Variants in PDZD7 observed in about 807,000 individuals in gnomAD.
The protein encoded by PDZD7 is PDZ domain-containing protein 7.
PDZD7 carries 72 observed loss-of-function variants against 84.7 expected under a neutral mutation model. The observed-to-expected ratio is 0.85, with a 90% CI of 0.70 to 1.03. The LOEUF (loss-of-function observed/expected upper bound fraction) is 1.03, where lower values mean the gene tolerates loss of function less well. PDZD7 is among the 50% of genes least tolerant of loss of function. PDZD7 has a pLI of 0.00. For synonymous variants in PDZD7, 594 were observed against 580.7 expected, an observed-to-expected ratio of 1.02 and a Z score of -0.33; for missense variants, 1,490 against 1,412.9, an observed-to-expected ratio of 1.05 and a Z score of -0.87.
At chr10:101,028,830 C>T (rs975258407) in intron 2 of PDZD7, among the ~76,000 whole-genome samples, 3 of 152,218 alleles carry the variant, frequency 2.0e-5, no homozygotes, top group African/African-American at 4.8e-5. Flanking sequence ...TGGTGACCCT[C>T]AGCAGTGCCC....
rs146534581 is a variant in PDZD7, at chr10:101,030,143, G to A, written c.77C>T (p.Ser26Phe). 4.3e-6 allele frequency: 7 copies of A among 1,614,038 alleles called. No individual in the cohort carries two copies. In the African/African-American group the frequency reaches 9.3e-5, roughly 22 times the overall value. Residue 26 changes from serine to phenylalanine, a missense_variant, in exon 2 of 17, where the codon TCC (serine) becomes TTC (phenylalanine). Physicochemically the swap from Ser to Phe is radical, Grantham distance 155 (BLOSUM62 -2). Coordinates refer to ENST00000619208, the MANE Select transcript of PDZD7 (RefSeq NM_001195263.2). ...GTCGCTGCCTAGGTGGCCTCGGGAG[G>A]AGAGGGAGCTCAGAGAGCCGGAGCT... ...DLSSGSLSSL[S>F]SRGHLGSDSG...
At chr10:101,020,151 C>T (rs980599068) in intron 7 of PDZD7, among the ~76,000 whole-genome samples, 2 of 151,944 alleles carry the variant, frequency 1.3e-5, no homozygotes, top group African/African-American at 4.8e-5. Flanking sequence ...ACTCTTATTG[C>T]CCAGGCTGGA....
At chr10:101,028,602 TAAA>T (rs71975380) in intron 2 of PDZD7, among the ~76,000 whole-genome samples, 8 of 134,792 alleles carry the variant, frequency 5.9e-5, no homozygotes, top group Admixed American at 2.2e-4. Flanking sequence ...CTTTCCCTCT[TAAA>T]AAAAAAAAAA....
chr10:101,015,600 C>A (rs1333854105), intron 11 of PDZD7, 36 bp downstream of exon 11: 3 of 1,535,970 alleles, frequency 2.0e-6, no homozygotes, highest in Admixed American at 4.0e-5. Context: ...GACTGAAGGA[C>A]CGTGTGCCAG....
Position 101,010,711 on chromosome 10 carries a change from G to T in PDZD7, c.2178C>A (p.Thr726=). The T allele has an allele frequency of 7.5e-7, 1 of 1,328,690 alleles. No homozygotes were observed. 82.3% of individuals were successfully genotyped at this position (1,328,690 alleles called of 1,614,324 possible). Residue 726 remains threonine, a synonymous_variant, in exon 15 of 17, where the codon ACC becomes ACA. Coordinates refer to ENST00000619208, the MANE Select transcript of PDZD7 (RefSeq NM_001195263.2). ...PLQDVPVDAF[T]PLRIACTPPP... ...GGGGTGTGCAGGCAATTCGGAGGGGGGTGAAGGCATCTACTGGCACGTCTT... is the reference window on the plus strand; with the variant it reads ...GGGGTGTGCAGGCAATTCGGAGGGGTGTGAAGGCATCTACTGGCACGTCTT...
At position 101,016,418 on chromosome 10, in the gene PDZD7, A is replaced by C; in HGVS notation, c.1532T>G (p.Val511Gly). The C allele has an allele frequency of 6.4e-7, 1 of 1,550,628 alleles. No individual in the cohort carries two copies. The highest frequency in any genetic ancestry group is 1.4e-5 in the African/African-American group (1 of 73,178). Residue 511 changes from valine to glycine, a missense_variant, in exon 10 of 17, where the codon GTG (valine) becomes GGG (glycine). Physicochemically the swap from Val to Gly is moderately radical, Grantham distance 109. Coordinates refer to ENST00000619208, the MANE Select transcript of PDZD7 (RefSeq NM_001195263.2). ...PRLDIEKAGGVGPVQKFVTWR... is the reference protein window; with the variant it reads ...PRLDIEKAGGGGPVQKFVTWR... ...GGTGACAAACTTCTGTACCGGGCCCACGCCCCCTGCTATGAAGAAGAAAGA... is the reference window on the plus strand; with the variant it reads ...GGTGACAAACTTCTGTACCGGGCCCCCGCCCCCTGCTATGAAGAAGAAAGA...
intron 7 of PDZD7, among the ~76,000 whole-genome samples, chr10:101,020,285 T>C (rs143803233): frequency 0.018 from 2,686 of 152,050 alleles, 34 homozygotes; most frequent in Non-Finnish European, 0.03. Flanking sequence ...TTTGTATTTT[T>C]AGTAAAGACT....
intron 16 of PDZD7, 139 bp from the exon 17 acceptor site, chr10:101,008,989 C>A: frequency 8.6e-7 from 1 of 1,156,842 alleles, no homozygotes; most frequent in Non-Finnish European, 1.2e-6. Flanking sequence ...GACAATGAGA[C>A]TTTTGTGCCT....
Position 101,022,193 on chromosome 10 carries a change from C to A in PDZD7, c.719+16G>T, listed in dbSNP as rs747771504. 1.2e-6 allele frequency: 2 copies of A among 1,614,130 alleles called. No homozygotes were observed. ...TCTCAGTTCTACCCGAAGACACTTC[C>A]TGCCTCAGCCCTCACTTGGACACAT... On this transcript the variant is annotated intron_variant, in intron 5 of 16. Transcript: ENST00000619208.
intron 2 of PDZD7, among the ~76,000 whole-genome samples, chr10:101,026,375 TCCA>T (rs1332338015): frequency 6.6e-6 from 1 of 150,880 alleles, no homozygotes; most frequent in African/African-American, 2.4e-5. Context: ...CCTCAAGTGA[TCCA>T]CCTGCCTCGG....
intron 11 of PDZD7, among the ~76,000 whole-genome samples, chr10:101,014,671 G>GACACACACACACACAC (rs3051191): frequency 3.4e-5 from 5 of 149,150 alleles, no homozygotes; most frequent in Non-Finnish European, 5.9e-5. Context: ...ACAATGCATG[G>GACACACACACACACAC]ACACACACAC....
In PDZD7 at chr10:101,015,792, G is replaced by C; in HGVS notation, c.1593C>G (p.Ala531=). ...GACTCCCAGACCTGGCAGACAGCAGGGCCCGGCCCCTCTCCTGGTCTGCAG... is the reference window on the plus strand; with the variant it reads ...GACTCCCAGACCTGGCAGACAGCAGCGCCCGGCCCCTCTCCTGGTCTGCAG... ...RLRRDQERGR[A]LLSARSGSPS... Residue 531 remains alanine (A), a synonymous_variant, in exon 11 of 17, where the codon GCC becomes GCG. Coordinates refer to ENST00000619208, the MANE Select transcript of PDZD7 (RefSeq NM_001195263.2). The C allele has an allele frequency of 1.3e-6, 2 of 1,548,986 alleles. No individual in the cohort carries two copies. Among genetic ancestry groups the C allele is most frequent in the Non-Finnish European group, 1.7e-6 (2 of 1,146,610 alleles).
At chr10:101,013,281 C>T (rs189042917) in intron 11 of PDZD7, among the ~76,000 whole-genome samples, 15 of 152,288 alleles carry the variant, frequency 9.8e-5, no homozygotes, top group African/African-American at 2.9e-4. Context: ...GACTTGGATT[C>T]GGTACCTACT....
chr10:101,019,862 G>A (rs1481023613), intron 7 of PDZD7, among the ~76,000 whole-genome samples: 2 of 150,782 alleles, frequency 1.3e-5, no homozygotes, highest in African/African-American at 4.9e-5. Flanking sequence ...CTGACCTCAG[G>A]TGATCCACCC....
At position 101,030,377 on chromosome 10, in the gene PDZD7, C is replaced by A. The variant is rs1938055716; in HGVS notation, c.-158G>T. ...TTGCGATGCCTCTCAGAAGTGTGAG[C>A]TCCAGGCCTGGGCAGGGAGAGCAGG... On this transcript the variant is annotated 5_prime_UTR_variant, in exon 2 of 17. Coordinates refer to ENST00000619208, the MANE Select transcript of PDZD7 (RefSeq NM_001195263.2). 1.4e-6 allele frequency: 1 copy of A among 725,310 alleles called. No homozygotes were observed. Among genetic ancestry groups the A allele is most frequent in the Admixed American group, 2.0e-5 (1 of 49,988 alleles). The allele number at this position is 725,310 out of a possible 1,614,324, so 44.9% of individuals were successfully genotyped here.
In PDZD7 at chr10:101,023,908, A is replaced by G. The variant is rs1853273815; in HGVS notation, c.367+20T>C. ...GAGTCACATCCTAAGCGTGGACTTC[A>G]GCCTGGGGGTTCTGCTTACCTGCAC... On this transcript the variant is annotated intron_variant, in intron 3 of 16. Coordinates refer to ENST00000619208, the MANE Select transcript of PDZD7 (RefSeq NM_001195263.2). 1 of 1,614,216 alleles carries G rather than the reference A, an allele frequency of 6.2e-7. No individual in the cohort carries two copies. The highest frequency in any genetic ancestry group is 8.5e-7 in the Non-Finnish European group (1 of 1,180,030).
intron 2 of PDZD7, among the ~76,000 whole-genome samples, chr10:101,028,915 C>T (rs1337332852): frequency 6.6e-6 from 1 of 152,206 alleles, no homozygotes; most frequent in Non-Finnish European, 1.5e-5. Context: ...TGGAGGAAAG[C>T]CTGCTCCCTG....
intron 4 of PDZD7, 83 bp from the exon 5 acceptor site, chr10:101,022,468 G>A: frequency 6.4e-7 from 1 of 1,551,254 alleles, no homozygotes; most frequent in East Asian, 2.3e-5. Context: ...ACAACTGCAG[G>A]GAAAGTGGGG....
rs769108499 is a variant in PDZD7, at chr10:101,012,025, G to T, written c.1842-9C>A. On this transcript the variant is annotated splice_polypyrimidine_tract_variant and intron_variant, in intron 12 of 16. Coordinates refer to ENST00000619208, the MANE Select transcript of PDZD7 (RefSeq NM_001195263.2). Reference sequence around the variant, plus strand: ...TGGGGGCCACCACACTCCTGGGAGAGGGCGAGAGACAGCAGGGGTGGGAGG... The same window carrying T: ...TGGGGGCCACCACACTCCTGGGAGATGGCGAGAGACAGCAGGGGTGGGAGG... 6 of 1,548,678 alleles carry T rather than the reference G, an allele frequency of 3.9e-6. No individual in the cohort carries two copies. In the African/African-American group the frequency reaches 8.2e-5, roughly 21 times the overall value.
Sources: allele counts gnomAD v4.1 joint callset (sites outside exome capture counted in the v4.1 genomes callset), GRCh38; gene constraint gnomAD v4.1.1; transcripts MANE v1.5; gene names NCBI Gene and HGNC (gene_info 2026-07-23, HGNC 2026-07-21).